Variants in CORO7 observed in about 807,000 individuals in gnomAD.
CORO7 encodes coronin 7, also known as coronin-7.
CORO7 carries 107 observed loss-of-function variants against 126.6 expected under a neutral mutation model. The observed-to-expected ratio is 0.85, with a 90% CI of 0.72 to 0.99. CORO7 has a LOEUF of 0.99. CORO7 is among the 50% of genes least tolerant of loss of function. The pLI is 0.00. For missense variants in CORO7, 1,314 were observed against 1,255.8 expected (o/e 1.05, Z -0.70); for synonymous variants, 603 against 536.8 (o/e 1.12, Z -1.70).
intron 7 of CORO7, 84 bp from the exon 8 acceptor site, chr16:4,388,715 T>G (rs2055283294): frequency 7.0e-7 from 1 of 1,422,946 alleles, no homozygotes. Flanking sequence ...GCTGGGGAAC[T>G]TCTGCTGCCC....
chr16:4,381,526 A>G lies in CORO7; in HGVS notation c.785+6460T>C, dbSNP rs775591123. On this transcript the variant is annotated intron_variant, in intron 9 of 27. Transcript: ENST00000251166. The stretch of plus-strand genomic sequence containing the variant: ...CGAGGGGCTCTTCAGCCGCTTGCGC[A>G]ACCTCCACGACCTGGATGTGTCCGA... 1.2e-5 allele frequency: 19 copies of G among 1,602,066 alleles called. No individual in the cohort carries two copies. The South Asian group carries it at 2.1e-4, about 18-fold the overall frequency.
chr16:4,360,279 T>C lies in CORO7; in HGVS notation c.2107A>G (p.Ser703Gly). ...GGATGGGGATGCCTGAGTCCTCACCTGTCAAAGCCAGACACCAGCAGACAG... is the reference window on the plus strand; with the variant it reads ...GGATGGGGATGCCTGAGTCCTCACCCGTCAAAGCCAGACACCAGCAGACAG... Reference protein sequence around the residue: ...GRCLLVSGFDSQSERQLLLYE... With the variant: ...GRCLLVSGFDGQSERQLLLYE... The change falls in exon 21 of 28, where the codon AGC becomes GGC. Residue 703 changes from serine (S) to glycine (G), a missense_variant and splice_region_variant. Ser to Gly is a moderately conservative substitution (Grantham distance 56). Coordinates refer to ENST00000251166, the MANE Select transcript of CORO7 (RefSeq NM_024535.5). 6.2e-7 allele frequency: 1 copy of C among 1,613,468 alleles called. No homozygotes were observed. The highest frequency in any genetic ancestry group is 8.5e-7 in the Non-Finnish European group (1 of 1,179,954).
At chr16:4,408,154 G>C in intron 4 of CORO7, 27 bp downstream of exon 4, 1 of 1,614,022 alleles carries the variant, frequency 6.2e-7, no homozygotes. Context: ...GGGACATAGA[G>C]CAGCTCTTCC....
In CORO7 at chr16:4,359,355, G is replaced by A. The variant is rs2054084698; in HGVS notation, c.2281C>T (p.Leu761Phe). The A allele has an allele frequency of 2.5e-6, 4 of 1,613,414 alleles. 1 individual carries two copies. In the South Asian group the frequency reaches 3.3e-5, roughly 13 times the overall value. The stretch of plus-strand genomic sequence containing the variant: ...TCCAGGAAGAAAGGGGACTCGGGGA[G>A]CAGCTCGTACAGGAATACACGGGTG... Reference protein sequence around the residue: ...GDTRVFLYELLPESPFFLECN... With the variant: ...GDTRVFLYELFPESPFFLECN... Residue 761 changes from leucine (L) to phenylalanine (F), a missense_variant, in exon 23 of 28, where the codon CTC becomes TTC. Coordinates refer to ENST00000251166, the MANE Select transcript of CORO7 (RefSeq NM_024535.5).
At chr16:4,366,003 C>T (rs978742284) in intron 9 of CORO7, among the ~76,000 whole-genome samples, 2 of 152,214 alleles carry the variant, frequency 1.3e-5, no homozygotes, top group African/African-American at 4.8e-5. Flanking sequence ...GTGCAGGCAG[C>T]CCTGCCGTTC....
chr16:4,362,214 C>G lies in CORO7; in HGVS notation c.1403-54G>C, dbSNP rs2054204353. On this transcript the variant is annotated intron_variant, in intron 15 of 27. Coordinates refer to ENST00000251166, the MANE Select transcript of CORO7 (RefSeq NM_024535.5). The surrounding 1 kb of genome is among the most constrained non-coding windows in gnomAD (Gnocchi z 5.3). ...GTGTGAGGATGCCGTCCCCGCCCGC[C>G]CTGCACTCTTTGAGTCCCGGCTGCC... is the stretch of plus-strand genomic sequence containing the variant. 1.9e-6 allele frequency: 3 copies of G among 1,558,142 alleles called. No individual in the cohort carries two copies. Among genetic ancestry groups the G allele is most frequent in the African/African-American group, 1.4e-5 (1 of 73,260 alleles).
chr16:4,405,607 G>A, intron 5 of CORO7, 40 bp from the exon 6 acceptor site: 1 of 1,602,588 alleles, frequency 6.2e-7, no homozygotes, highest in African/African-American at 1.3e-5. Context: ...GGGCAGTGAG[G>A]GCACCAGGGA....
chr16:4,366,881 C>A (rs980609459), intron 9 of CORO7, among the ~76,000 whole-genome samples: 1 of 152,126 alleles, frequency 6.6e-6, no homozygotes, highest in Admixed American at 6.5e-5. Context: ...CCTGGACCCT[C>A]CCAACCCAGA....
In CORO7 at chr16:4,360,553, G is replaced by C. The variant is rs758839346; in HGVS notation, c.1918-5C>G. ...ACTCCAGGCCAGGCTGAAGATCTGG[G>C]GGCAGGAAGGGATATGAGAGACAGC... On this transcript the variant is annotated splice_polypyrimidine_tract_variant and splice_region_variant and intron_variant, in intron 19 of 27. Coordinates refer to ENST00000251166, the MANE Select transcript of CORO7 (RefSeq NM_024535.5). The C allele has an allele frequency of 9.4e-6, 15 of 1,591,220 alleles. No individual in the cohort carries two copies. The highest frequency in any genetic ancestry group is 1.3e-5 in the Non-Finnish European group (15 of 1,169,600).
intron 3 of CORO7, among the ~76,000 whole-genome samples, chr16:4,411,552 A>T (rs1010555201): frequency 1.3e-5 from 2 of 152,242 alleles, no homozygotes; most frequent in South Asian, 2.1e-4. Flanking sequence ...CTTTTTAAAA[A>T]TTTTTTAAAA....
intron 3 of CORO7, among the ~76,000 whole-genome samples, chr16:4,408,487 G>A (rs1207059597): frequency 6.6e-6 from 1 of 152,220 alleles, no homozygotes; most frequent in Non-Finnish European, 1.5e-5. Context: ...AGGTTGGCAG[G>A]AAATGGGCAG....
intron 9 of CORO7, chr16:4,381,132 GA>G: frequency 6.2e-7 from 1 of 1,610,256 alleles, no homozygotes; most frequent in Non-Finnish European, 8.5e-7. Flanking sequence ...ACCTGTCACA[GA>G]ACCAGATCGC....
At position 4,358,085 on chromosome 16, in the gene CORO7, C is replaced by T. The variant is rs762879819; in HGVS notation, c.2476G>A (p.Asp826Asn). The T allele has an allele frequency of 6.3e-5, 101 of 1,612,440 alleles. No homozygotes were observed. The highest frequency in any genetic ancestry group is 8.3e-5 in the Non-Finnish European group (98 of 1,178,994). ...PRVRKEFFQDDVFPDTAVIWE... is the reference protein window; with the variant it reads ...PRVRKEFFQDNVFPDTAVIWE... Reference sequence around the variant, plus strand: ...ATCACAGCCGTGTCTGGGAACACGTCATCCTGGAAGAACTCTTTCTGCAGA... The same window carrying T: ...ATCACAGCCGTGTCTGGGAACACGTTATCCTGGAAGAACTCTTTCTGCAGA... The change falls in exon 25 of 28, where the codon GAC becomes AAC. Residue 826 changes from aspartate (D) to asparagine (N), a missense_variant. Coordinates refer to ENST00000251166, the MANE Select transcript of CORO7 (RefSeq NM_024535.5).
At chr16:4,377,986 C>A (rs183282273) in intron 9 of CORO7, among the ~76,000 whole-genome samples, 96 of 152,282 alleles carry the variant, frequency 6.3e-4, no homozygotes, top group Non-Finnish European at 1.2e-3. Flanking sequence ...CCAGATGGAC[C>A]CACAGCATCC....
chr16:4,388,124 G>A (rs1276081247), intron 8 of CORO7, 56 bp from the exon 9 acceptor site: 1 of 1,564,030 alleles, frequency 6.4e-7, no homozygotes, highest in East Asian at 2.4e-5. Flanking sequence ...CCCCACCCGG[G>A]GGGCTCCCAG....
In CORO7 at chr16:4,358,360, C is replaced by T; in HGVS notation, c.2457+7G>A. On this transcript the variant is annotated splice_region_variant and intron_variant, in intron 24 of 27. Coordinates refer to ENST00000251166, the MANE Select transcript of CORO7 (RefSeq NM_024535.5). Reference sequence around the variant, plus strand: ...TGGGCATGGGAGTCCCAGGTCCCCACCCTCACCCGGACTCGGGGCAGCCGG... The same window carrying T: ...TGGGCATGGGAGTCCCAGGTCCCCATCCTCACCCGGACTCGGGGCAGCCGG... 2 of 1,612,080 alleles carry T rather than the reference C, an allele frequency of 1.2e-6. No individual in the cohort carries two copies. Among genetic ancestry groups the T allele is most frequent in the Non-Finnish European group, 1.7e-6 (2 of 1,179,534 alleles).
intron 9 of CORO7, among the ~76,000 whole-genome samples, chr16:4,377,704 C>G (rs1014305373): frequency 4.6e-5 from 7 of 152,198 alleles, no homozygotes; most frequent in Non-Finnish European, 1.0e-4. Context: ...TGGCGGTGCC[C>G]TCAGAGCTGC....
chr16:4,367,785 G>A (rs1000766470), intron 9 of CORO7, among the ~76,000 whole-genome samples: 1 of 152,152 alleles, frequency 6.6e-6, no homozygotes, highest in Non-Finnish European at 1.5e-5. Context: ...TGTGGGTGAG[G>A]GCTGAGGCTC....
chr16:4,407,768 T>A (rs2056060210), intron 4 of CORO7, 84 bp from the exon 5 acceptor site: 2 of 1,449,336 alleles, frequency 1.4e-6, no homozygotes, highest in South Asian at 2.9e-5. Flanking sequence ...TGAGGTCCCG[T>A]GTTGGAACTA....
Sources: gnomAD v4.1 joint callset for allele counts (sites outside exome capture counted in the v4.1 genomes callset) on GRCh38, gnomAD v4.1.1 for gene constraint, Gnocchi (gnomAD v3.1) non-coding constraint, MANE v1.5 for transcripts, NCBI Gene and HGNC (gene_info 2026-07-23, HGNC 2026-07-21) for gene names.